Variants in SNTG1 observed in about 807,000 individuals in gnomAD.
The protein encoded by SNTG1 is syntrophin gamma 1.
SNTG1 carries 39 observed loss-of-function variants against 74.7 expected under a neutral mutation model. That is an observed-to-expected ratio of 0.52 (90% CI 0.40 to 0.68). SNTG1 has a LOEUF of 0.68. Among genes scored for constraint, SNTG1 ranks in the 30% least tolerant of loss-of-function variants. SNTG1 has a pLI of 0.00. For synonymous variants in SNTG1, 254 were observed against 217.1 expected (o/e 1.17, Z -1.49); for missense variants, 685 against 609.5 (o/e 1.12, Z -1.30).
chr8:49,965,792 A>G (rs1484127315), intron 1 of SNTG1, among the ~76,000 whole-genome samples: 1 of 152,154 alleles, frequency 6.6e-6, no homozygotes, highest in East Asian at 1.9e-4. Flanking sequence ...TTTAGTTATC[A>G]TCCTCCTCTT....
chr8:50,766,365 G>A (rs1355771185), intron 18 of SNTG1, among the ~76,000 whole-genome samples: 1 of 151,986 alleles, frequency 6.6e-6, no homozygotes, highest in Non-Finnish European at 1.5e-5. Context: ...TATGTGGCTT[G>A]TGATGCAAAT....
At chr8:50,504,996 T>C (rs2093994552) in intron 9 of SNTG1, among the ~76,000 whole-genome samples, 1 of 152,112 alleles carries the variant, frequency 6.6e-6, no homozygotes, top group Non-Finnish European at 1.5e-5. Flanking sequence ...TTCCCTATTT[T>C]CCCCAGACCC....
At chr8:50,543,292 A>G (rs1282401755) in intron 11 of SNTG1, among the ~76,000 whole-genome samples, 1 of 152,180 alleles carries the variant, frequency 6.6e-6, no homozygotes. Flanking sequence ...ATTCTTCTGC[A>G]TATGGATCTT....
At chr8:50,498,853 T>C (rs2093926684) in intron 8 of SNTG1, among the ~76,000 whole-genome samples, 1 of 151,870 alleles carries the variant, frequency 6.6e-6, no homozygotes, top group Admixed American at 6.6e-5. Flanking sequence ...AAGATTTTAC[T>C]TTCTCTACTC....
chr8:49,988,347 A>G (rs926300310), intron 1 of SNTG1, among the ~76,000 whole-genome samples: 1 of 152,220 alleles, frequency 6.6e-6, no homozygotes, highest in Non-Finnish European at 1.5e-5. Flanking sequence ...ATTTAGCAGA[A>G]GACTTCAAAG....
Position 49,938,562 on chromosome 8 carries a change from C to CTTTT in SNTG1, c.-103+26332_-103+26335dup, listed in dbSNP as rs1453127560. ...ACCATGCCTTCTTTTCTTTTGTTTT[C>CTTTT]TTTTCTTTTCTTTTCTTTTCTTTTC... On this transcript the variant is annotated intron_variant, in intron 1 of 18. Transcript: ENST00000642720. Among the ~76,000 whole-genome samples, 4 of 27,736 alleles carry CTTTT rather than the reference C, an allele frequency of 1.4e-4. No individual in the cohort carries two copies. In the South Asian group the frequency reaches 8.4e-3, roughly 58 times the overall value. The allele number at this position is 27,736 out of a possible 152,430, so 18.2% of individuals were successfully genotyped here.
intron 1 of SNTG1, among the ~76,000 whole-genome samples, chr8:49,945,561 C>T (rs968417040): frequency 2.0e-5 from 3 of 152,154 alleles, no homozygotes; most frequent in African/African-American, 4.8e-5. Flanking sequence ...TTCACATTCA[C>T]CAGCCAGCAG....
At chr8:50,514,665 A>G (rs865848880) in intron 9 of SNTG1, among the ~76,000 whole-genome samples, 23 of 152,112 alleles carry the variant, frequency 1.5e-4, no homozygotes, top group African/African-American at 5.3e-4. Context: ...TATTAGGGAG[A>G]ATATTTTGTG....
intron 1 of SNTG1, among the ~76,000 whole-genome samples, chr8:49,947,110 G>A (rs1345081098): frequency 6.6e-6 from 1 of 152,074 alleles, no homozygotes; most frequent in Non-Finnish European, 1.5e-5. Context: ...GACCAGCCTG[G>A]CCCACATGGT....
intron 2 of SNTG1, 81 bp from the exon 3 acceptor site, chr8:50,394,131 C>G: frequency 9.0e-7 from 1 of 1,108,864 alleles, no homozygotes; most frequent in Non-Finnish European, 1.3e-6. Context: ...AGTTCTGCTT[C>G]ACGATTTCCT....
At chr8:50,395,506 G>GGATT (rs58030144) in intron 3 of SNTG1, among the ~76,000 whole-genome samples, 2 of 135,656 alleles carry the variant, frequency 1.5e-5, no homozygotes, top group African/African-American at 5.5e-5. Flanking sequence ...TCTAATTTCT[G>GGATT]TTTTTTTTTT....
intron 2 of SNTG1, among the ~76,000 whole-genome samples, chr8:50,362,178 A>T (rs2091977692): frequency 6.6e-6 from 1 of 152,122 alleles, no homozygotes; most frequent in African/African-American, 2.4e-5. Context: ...GCTACATTTT[A>T]TTGTCCCCTC....
intron 15 of SNTG1, among the ~76,000 whole-genome samples, chr8:50,687,209 CAAAG>C (rs996915872): frequency 3.4e-5 from 5 of 147,454 alleles, no homozygotes; most frequent in African/African-American, 1.0e-4. Flanking sequence ...CATGAAACCA[CAAAG>C]AAAGACAGCG....
intron 4 of SNTG1, among the ~76,000 whole-genome samples, chr8:50,422,628 G>A (rs910856125): frequency 6.6e-6 from 1 of 151,964 alleles, no homozygotes; most frequent in Non-Finnish European, 1.5e-5. Flanking sequence ...GGGGGAAGGG[G>A]TGAGGTTGAT....
intron 1 of SNTG1, among the ~76,000 whole-genome samples, chr8:50,141,369 T>A (rs1185252559): frequency 6.6e-6 from 1 of 152,184 alleles, no homozygotes; most frequent in Non-Finnish European, 1.5e-5. Flanking sequence ...TTGTTTCACT[T>A]TTGTTTTTAA....
At chr8:50,479,648 G>C (rs1159285269) in intron 8 of SNTG1, among the ~76,000 whole-genome samples, 1 of 151,964 alleles carries the variant, frequency 6.6e-6, no homozygotes, top group Non-Finnish European at 1.5e-5. Context: ...CCCTTCCTCT[G>C]CACTCACTGT....
chr8:50,353,700 T>G (rs1252509214), intron 2 of SNTG1, among the ~76,000 whole-genome samples: 1 of 152,178 alleles, frequency 6.6e-6, no homozygotes, highest in Non-Finnish European at 1.5e-5. Flanking sequence ...TTCCCCACAA[T>G]GGGCCAAGGC....
chr8:50,663,041 G>C (rs925443979), intron 15 of SNTG1, among the ~76,000 whole-genome samples: 30 of 152,154 alleles, frequency 2.0e-4, no homozygotes, highest in African/African-American at 7.0e-4. Flanking sequence ...TTAATGAACT[G>C]AAACCTAAGT....
intron 8 of SNTG1, among the ~76,000 whole-genome samples, chr8:50,479,419 C>A (rs1391606428): frequency 6.6e-6 from 1 of 152,056 alleles, no homozygotes; most frequent in African/African-American, 2.4e-5. Context: ...CAGAAAAATG[C>A]TTTCTTTCCT....
Sources: gnomAD v4.1 joint callset for allele counts (sites outside exome capture counted in the v4.1 genomes callset) on GRCh38, gnomAD v4.1.1 for gene constraint, MANE v1.5 for transcripts, NCBI Gene and HGNC (gene_info 2026-07-23, HGNC 2026-07-21) for gene names.